UROS: variants seen among roughly 807,000 people sequenced by gnomAD.
UROS encodes uroporphyrinogen III synthase, also known as uroporphyrinogen-III synthase.
In UROS, 18 loss-of-function variants were observed where a neutral mutation model predicts 33.0. The ratio of observed to expected loss-of-function variants is 0.55; its 90% confidence interval spans 0.38 to 0.81. UROS has a LOEUF of 0.81. UROS is among the 30% of genes least tolerant of loss of function. UROS has a pLI of 0.00. For synonymous variants in UROS, 114 were observed against 121.1 expected (o/e 0.94, Z 0.38); for missense variants, 293 against 314.9 (o/e 0.93, Z 0.53).
chr10:125,814,693 A>G (rs1326864989), intron 4 of UROS, among the ~76,000 whole-genome samples: 12 of 152,232 alleles, frequency 7.9e-5, no homozygotes, highest in Admixed American at 7.9e-4. Flanking sequence ...TAAGTGCCTG[A>G]CATGGTGGCA....
In UROS at chr10:125,802,803, C is replaced by T. The variant is rs997692606; in HGVS notation, c.394+4610G>A. 4.0e-5 allele frequency: 58 copies of T among 1,443,420 alleles called. 1 individual carries two copies. The South Asian group carries it at 8.1e-4, about 20-fold the overall frequency. 89.4% of individuals were successfully genotyped at this position (1,443,420 alleles called of 1,614,324 possible). On this transcript the variant is annotated intron_variant, in intron 6 of 9. Coordinates refer to ENST00000368797, the MANE Select transcript of UROS (RefSeq NM_000375.3). ...CTCCCAGCGGTACAGACTGAGGCAT[C>T]TGTGCGAGGCCCTGTGCGCTCCTGG...
intron 9 of UROS, chr10:125,792,686 T>C (rs1851032426): frequency 6.6e-6 from 1 of 152,200 alleles, no homozygotes; most frequent in Admixed American, 6.5e-5. Context: ...CCTTTGATCT[T>C]TTGTGGTGCG....
downstream of UROS, among the ~76,000 whole-genome samples, chr10:125,787,070 G>A (rs552098324): frequency 2.9e-4 from 44 of 152,282 alleles, no homozygotes; most frequent in South Asian, 3.5e-3. Context: ...ACGCCCTGGC[G>A]CACTCCATCT....
intron 1 of UROS, among the ~76,000 whole-genome samples, chr10:125,820,417 C>T (rs1048391913): frequency 2.6e-5 from 4 of 152,192 alleles, no homozygotes; most frequent in Non-Finnish European, 5.9e-5. Flanking sequence ...CCTTCTTTGG[C>T]TTTTTGTTCT....
chr10:125,790,118 C>T (rs374966514), intron 9 of UROS, among the ~76,000 whole-genome samples: 9 of 152,184 alleles, frequency 5.9e-5, no homozygotes, highest in Middle Eastern at 3.2e-3. Context: ...CTCCTTCCTC[C>T]GGCTGAGTCA....
chr10:125,786,543 T>C (rs1485110816), downstream of UROS, among the ~76,000 whole-genome samples: 1 of 152,072 alleles, frequency 6.6e-6, no homozygotes, highest in Admixed American at 6.5e-5. Flanking sequence ...GGATTACAGG[T>C]GTGAGCCACC....
chr10:125,822,713 C>T (rs972694612), intron 1 of UROS, among the ~76,000 whole-genome samples: 1 of 152,224 alleles, frequency 6.6e-6, no homozygotes, highest in African/African-American at 2.4e-5. Context: ...CCGCTTTGAC[C>T]TCCCTAAGTG....
In UROS at chr10:125,816,522, G is replaced by A; in HGVS notation, c.-23C>T. The A allele has an allele frequency of 6.8e-6, 11 of 1,614,024 alleles. No homozygotes were observed. The highest frequency in any genetic ancestry group is 1.1e-5 in the South Asian group (1 of 91,078). On this transcript the variant is annotated 5_prime_UTR_variant, in exon 2 of 10. Coordinates refer to ENST00000368797, the MANE Select transcript of UROS (RefSeq NM_000375.3). ...CATTATTGCCTGGCAGTCCTTATAG[G>A]GCACTGCGACAGAGCAAGGAAACAG...
chr10:125,794,495 T>G, intron 9 of UROS: 1 of 440,634 alleles, frequency 2.3e-6, no homozygotes, highest in Non-Finnish European at 3.3e-6. Flanking sequence ...GTGACTGCTT[T>G]TAGAATAGAC....
intron 6 of UROS, chr10:125,802,788 T>G: frequency 7.0e-7 from 1 of 1,438,820 alleles, no homozygotes; most frequent in Non-Finnish European, 9.1e-7. Context: ...CTCCCAGCGG[T>G]ACAGACTGAG....
At chr10:125,811,911 T>G (rs1436571621) in intron 5 of UROS, among the ~76,000 whole-genome samples, 15 of 152,134 alleles carry the variant, frequency 9.9e-5, no homozygotes, top group Non-Finnish European at 2.2e-4. Flanking sequence ...AGTGCATAAT[T>G]CAGTGGCATT....
intron 5 of UROS, among the ~76,000 whole-genome samples, chr10:125,808,542 G>C (rs991115021): frequency 6.6e-6 from 1 of 152,202 alleles, no homozygotes; most frequent in Non-Finnish European, 1.5e-5. Context: ...GAACTGAACT[G>C]AGACATAAGA....
intron 1 of UROS, among the ~76,000 whole-genome samples, chr10:125,817,877 GA>G (rs1177140387): frequency 6.6e-6 from 1 of 152,164 alleles, no homozygotes; most frequent in Non-Finnish European, 1.5e-5. Context: ...GGGAAAAATA[GA>G]GGTATAAAAA....
Position 125,788,726 on chromosome 10 carries a change from C to T in UROS, c.*142G>A. Reference sequence around the variant, plus strand: ...GGCCAGCCCCAGGTCAGGTCCCGATCCCCGGTCCTCAGGTGCTTCCACTCA... The same window carrying T: ...GGCCAGCCCCAGGTCAGGTCCCGATTCCCGGTCCTCAGGTGCTTCCACTCA... On this transcript the variant is annotated 3_prime_UTR_variant, in exon 10 of 10. Transcript: ENST00000368797. 1 of 1,440,748 alleles carries T rather than the reference C, an allele frequency of 6.9e-7. No homozygotes were observed. The highest frequency in any genetic ancestry group is 9.1e-7 in the Non-Finnish European group (1 of 1,101,222). The allele number at this position is 1,440,748 out of a possible 1,614,324, so 89.2% of individuals were successfully genotyped here.
chr10:125,803,914 T>A (rs1414794459), intron 6 of UROS, among the ~76,000 whole-genome samples: 1 of 152,254 alleles, frequency 6.6e-6, no homozygotes, highest in Admixed American at 6.5e-5. Flanking sequence ...AGGCCATGCC[T>A]TTTGTACAGA....
At chr10:125,788,531 C>A, downstream of UROS, 18 of 1,215,792 alleles carry the variant, frequency 1.5e-5, no homozygotes, top group Non-Finnish European at 1.9e-5. Context: ...CCTGTCTCCT[C>A]CCTGAACACA....
rs753815289 is a variant in UROS at position 125,815,135 on chromosome 10, A to C, written c.148-5T>G. 1.9e-6 allele frequency: 3 copies of C among 1,614,142 alleles called. No individual in the cohort carries two copies. In the South Asian group the frequency reaches 3.3e-5, roughly 18 times the overall value. ...GTAATCTTCAGGATGAGAAAGCTGC[A>C]CACCAAAAAGCAATAAAGACATTTT... On this transcript the variant is annotated splice_polypyrimidine_tract_variant and splice_region_variant and intron_variant, in intron 3 of 9. Transcript: ENST00000368797.
intron 1 of UROS, among the ~76,000 whole-genome samples, chr10:125,820,822 T>C (rs987448523): frequency 6.6e-6 from 1 of 152,186 alleles, no homozygotes; most frequent in Non-Finnish European, 1.5e-5. Flanking sequence ...CTTGCTACCA[T>C]CCCTCTGCCT....
intron 7 of UROS, 151 bp downstream of exon 7, chr10:125,797,914 G>A: frequency 1.2e-6 from 1 of 840,954 alleles, no homozygotes; most frequent in South Asian, 1.4e-5. Context: ...CTCTTCCCAT[G>A]AGCATGGTCT....
Sources: allele counts gnomAD v4.1 joint callset (sites outside exome capture counted in the v4.1 genomes callset), GRCh38; gene constraint gnomAD v4.1.1; transcripts MANE v1.5; gene names NCBI Gene and HGNC (gene_info 2026-07-23, HGNC 2026-07-21).